CPLX2: variants seen among roughly 807,000 people sequenced by gnomAD.
CPLX2 encodes the protein complexin-2.
A neutral mutation model predicts 16.3 loss-of-function variants in CPLX2; 5 were observed. The ratio of observed to expected loss-of-function variants is 0.31; its 90% CI spans 0.16 to 0.64. The LOEUF is 0.64. Among genes scored for constraint, CPLX2 ranks in the 30% least tolerant of loss-of-function variants. The probability of loss-of-function intolerance (pLI) is 0.79; values close to 1 mark genes in which losing one functional copy is unlikely to be tolerated. For missense variants in CPLX2, 144 were observed against 181.4 expected (o/e 0.79, Z 1.18); for synonymous variants, 89 against 73.2 (o/e 1.22, Z -1.10).
chr5:175,869,924 G>C (rs1321425427), upstream of CPLX2, among the ~76,000 whole-genome samples: 2 of 152,214 alleles, frequency 1.3e-5, no homozygotes, highest in Non-Finnish European at 2.9e-5. Flanking sequence ...ATTGTAACCA[G>C]AGTGCTGCCA....
At position 175,840,098 on chromosome 5, in the gene CPLX2, AT is replaced by A. The variant is rs912597781; in HGVS notation, c.-89+31039del. 5.9e-5 allele frequency among the ~76,000 whole-genome samples: 9 copies of A among 151,808 alleles called. No homozygotes were observed. The East Asian group carries it at 9.7e-4, about 16-fold the overall frequency. ...TCCATTTCTTTTTCGAACAAAGGTG[AT>A]TTTTTTTTCTACAGAACATATCCTT... On this transcript the variant is annotated intron_variant, in intron 2 of 4. Coordinates refer to the CPLX2 transcript ENST00000359546.
chr5:175,843,389 A>AAC (rs896721114), intron 2 of CPLX2, among the ~76,000 whole-genome samples: 7 of 152,052 alleles, frequency 4.6e-5, no homozygotes, highest in African/African-American at 1.4e-4. Flanking sequence ...ATGTCCCCCC[A>AAC]ACACACACAC....
intron 2 of CPLX2, among the ~76,000 whole-genome samples, chr5:175,829,767 A>C (rs548150761): frequency 5.8e-4 from 88 of 152,356 alleles, no homozygotes; most frequent in African/African-American, 2.1e-3. Flanking sequence ...ACTTGTGCCC[A>C]AGATCACACA....
intron 2 of CPLX2, among the ~76,000 whole-genome samples, chr5:175,833,048 C>T (rs1383727649): frequency 2.0e-5 from 3 of 151,526 alleles, no homozygotes; most frequent in African/African-American, 7.3e-5. Flanking sequence ...CCCAGCTACT[C>T]GGGAGGCTGA....
intron 2 of CPLX2, among the ~76,000 whole-genome samples, chr5:175,817,995 A>G (rs763527707): frequency 1.3e-5 from 2 of 152,196 alleles, no homozygotes; most frequent in Non-Finnish European, 2.9e-5. Flanking sequence ...TCCTTCATTC[A>G]TTCTGCAAGC....
intron 2 of CPLX2, among the ~76,000 whole-genome samples, chr5:175,827,152 A>T (rs1017271725): frequency 6.6e-6 from 1 of 152,148 alleles, no homozygotes; most frequent in African/African-American, 2.4e-5. Flanking sequence ...TTTGGGTCAC[A>T]TGCCCTTCCC....
At chr5:175,818,142 G>A (rs1254205374) in intron 2 of CPLX2, among the ~76,000 whole-genome samples, 3 of 152,294 alleles carry the variant, frequency 2.0e-5, no homozygotes, top group East Asian at 3.9e-4. Context: ...TGAGATAAAG[G>A]AAAGTTCAAT....
At chr5:175,867,458 C>A (rs114608531), upstream of CPLX2, among the ~76,000 whole-genome samples, 983 of 152,248 alleles carry the variant, frequency 6.5e-3, 9 homozygotes, top group Non-Finnish European at 0.011. Flanking sequence ...GAAATGGTGA[C>A]ACGTCCCCAG....
chr5:175,870,438 G>A (rs1349856539), upstream of CPLX2, among the ~76,000 whole-genome samples: 1 of 152,158 alleles, frequency 6.6e-6, no homozygotes, highest in Non-Finnish European at 1.5e-5. Context: ...CATCCCCTTA[G>A]AAGGAGAAGC....
intron 2 of CPLX2, among the ~76,000 whole-genome samples, chr5:175,857,899 G>A (rs1488686337): frequency 6.6e-6 from 1 of 152,242 alleles, no homozygotes; most frequent in Non-Finnish European, 1.5e-5. Context: ...TGAGCACGAA[G>A]GTGCTGGTCT....
chr5:175,857,254 G>T (rs1759276153), intron 2 of CPLX2, among the ~76,000 whole-genome samples: 1 of 152,062 alleles, frequency 6.6e-6, no homozygotes, highest in Non-Finnish European at 1.5e-5. Flanking sequence ...CTTCAGCATG[G>T]GCCTCATCCA....
rs959723843 is a variant in CPLX2, at chr5:175,830,549, C to T, written c.-89+21481C>T. On this transcript the variant is annotated intron_variant, in intron 2 of 4. Transcript: ENST00000359546. This position sits in a 1 kb window ranked among gnomAD's most constrained non-coding sequence, Gnocchi z 4.0. ...GCTGTCCAGCCACCCTTAGCCTCTT[C>T]CTCTTTGCCACAGGCCATGCGGCAC... 3.9e-5 allele frequency among the ~76,000 whole-genome samples: 6 copies of T among 152,204 alleles called. No individual in the cohort carries two copies. The highest frequency in any genetic ancestry group is 1.4e-4 in the African/African-American group (6 of 41,444).
chr5:175,836,125 C>A (rs774757157), intron 2 of CPLX2, among the ~76,000 whole-genome samples: 1 of 152,228 alleles, frequency 6.6e-6, no homozygotes, highest in Admixed American at 6.5e-5. Context: ...CCAAGGCGGG[C>A]AGATCACGAG....
intron 2 of CPLX2, among the ~76,000 whole-genome samples, chr5:175,856,534 C>T (rs1185753480): frequency 6.6e-6 from 1 of 152,202 alleles, no homozygotes; most frequent in East Asian, 1.9e-4. Flanking sequence ...CCCAGCAGCC[C>T]AAGTGGAAAG....
chr5:175,823,903 T>C lies in CPLX2; in HGVS notation c.-89+14835T>C, dbSNP rs903961819. Among the ~76,000 whole-genome samples the C allele has an allele frequency of 5.3e-5, 8 of 152,306 alleles. No homozygotes were observed. In the South Asian group the frequency reaches 1.2e-3, roughly 24 times the overall value. ...GAGAGACAGATTATGTAAACTGTGATTGCCACCCACAGGAGGAGGAGGAGA... is the reference window on the plus strand; with the variant it reads ...GAGAGACAGATTATGTAAACTGTGACTGCCACCCACAGGAGGAGGAGGAGA... On this transcript the variant is annotated intron_variant, in intron 2 of 4. Transcript: ENST00000359546.
At chr5:175,836,112 A>G (rs577013076) in intron 2 of CPLX2, among the ~76,000 whole-genome samples, 1 of 152,152 alleles carries the variant, frequency 6.6e-6, no homozygotes, top group Non-Finnish European at 1.5e-5. Context: ...GCACTTTGGG[A>G]GGCCAAGGCG....
chr5:175,869,781 C>A (rs1252757339), upstream of CPLX2, among the ~76,000 whole-genome samples: 1 of 152,158 alleles, frequency 6.6e-6, no homozygotes, highest in African/African-American at 2.4e-5. Flanking sequence ...GACATACTCA[C>A]GTTTGTCAAA....
chr5:175,801,903 G>T (rs1053900247), intron 1 of CPLX2, among the ~76,000 whole-genome samples: 1 of 152,136 alleles, frequency 6.6e-6, no homozygotes, highest in African/African-American at 2.4e-5. Flanking sequence ...TAAGCAGGGG[G>T]GTTCAGAGTA....
upstream of CPLX2, chr5:175,871,439 G>GAGAGAGAA (rs1759601700): frequency 1.4e-5 from 1 of 72,600 alleles, no homozygotes; most frequent in African/African-American, 4.8e-5. Flanking sequence ...GAGACAGAGA[G>GAGAGAGAA]AGAGAGAGAG....
Sources: allele counts gnomAD v4.1 joint callset (sites outside exome capture counted in the v4.1 genomes callset), GRCh38; gene constraint gnomAD v4.1.1; non-coding constraint Gnocchi (gnomAD v3.1); transcripts MANE v1.5; gene names NCBI Gene and HGNC (gene_info 2026-07-23, HGNC 2026-07-21).